Variants in ANKRD12 observed in about 807,000 individuals in gnomAD.
ANKRD12 encodes ankyrin repeat domain 12, also known as ankyrin repeat domain-containing protein 12.
Under a neutral mutation model 183.4 loss-of-function variants are expected in ANKRD12, and 85 were observed. The observed-to-expected ratio is 0.46, with a 90% CI of 0.39 to 0.56. The LOEUF is 0.56. Among genes scored for constraint, ANKRD12 ranks in the 20% least tolerant of loss-of-function variants. The pLI, the probability that ANKRD12 is intolerant of heterozygous loss-of-function variation, is 0.00. For synonymous variants in ANKRD12, 914 were observed against 800.2 expected (o/e 1.14, Z -2.40); for missense variants, 2,405 against 2,357.1 (o/e 1.02, Z -0.42).
In ANKRD12 at chr18:9,153,195, A is replaced by G. The variant is rs189176382; in HGVS notation, c.-52+16230A>G. On this transcript the variant is annotated intron_variant, in intron 1 of 12. Transcript: ENST00000262126. ...AAGCAGATTTTCAAACAGGGTATTT[A>G]CATGTCCTTCTAAAGCCATTTGATG... is the stretch of plus-strand genomic sequence containing the variant. Among the ~76,000 whole-genome samples, 281 of 152,332 alleles carry G rather than the reference A, an allele frequency of 1.8e-3. 1 individual carries two copies. Among genetic ancestry groups the G allele is most frequent in the South Asian group, 0.013 (63 of 4,828 alleles).
chr18:9,237,470 T>G (rs1309843734), intron 8 of ANKRD12, among the ~76,000 whole-genome samples: 1 of 152,202 alleles, frequency 6.6e-6, no homozygotes, highest in Non-Finnish European at 1.5e-5. Context: ...ATTATAACAT[T>G]CTTTTTAGGG....
At chr18:9,272,066 A>C (rs138986438) in intron 10 of ANKRD12, among the ~76,000 whole-genome samples, 1 of 152,186 alleles carries the variant, frequency 6.6e-6, no homozygotes, top group African/African-American at 2.4e-5. Flanking sequence ...TCTATCACCC[A>C]AGAAACTAAG....
rs1344661103 is a variant in ANKRD12 at position 9,281,585 on chromosome 18, C to T, written c.*459C>T. 1 of 152,720 alleles carries T rather than the reference C, an allele frequency of 6.5e-6. No homozygotes were observed. Among genetic ancestry groups the T allele is most frequent in the African/African-American group, 2.4e-5 (1 of 41,460 alleles). The allele number at this position is 152,720 out of a possible 1,614,324, so 9.5% of individuals were successfully genotyped here. A position where few individuals can be genotyped will look rare whatever the true frequency, so the allele number is the denominator to read the frequency against. The stretch of plus-strand genomic sequence containing the variant: ...GCACAAAATTTCTTCAGTTTATTAT[C>T]TGTAAATTGTACAGTTTTCTTTTTG... On this transcript the variant is annotated 3_prime_UTR_variant, in exon 13 of 13. Transcript: ENST00000262126.
At chr18:9,229,214 T>C (rs1387607237) in intron 8 of ANKRD12, among the ~76,000 whole-genome samples, 1 of 151,912 alleles carries the variant, frequency 6.6e-6, no homozygotes, top group Non-Finnish European at 1.5e-5. Context: ...GTCCCTGTAA[T>C]ATATTTTGAA....
At chr18:9,163,733 T>TGAAGAGGTCCTTCACCTC (rs2143823679) in intron 1 of ANKRD12, among the ~76,000 whole-genome samples, 1 of 152,316 alleles carries the variant, frequency 6.6e-6, no homozygotes, top group Admixed American at 6.5e-5. Context: ...TACTTCTCCT[T>TGAAGAGGTCCTTCACCTC]GAAGAGGTCC....
rs1028716933 is a variant in ANKRD12 at position 9,208,541 on chromosome 18, T to C, written c.305-116T>C. The stretch of plus-strand genomic sequence containing the variant: ...CTTTTGTCTGGCTACTACTAGTTCA[T>C]ATATTGTACACATTTCTCATATATA... On this transcript the variant is annotated intron_variant, in intron 4 of 12. Coordinates refer to ENST00000262126, the MANE Select transcript of ANKRD12 (RefSeq NM_015208.5). The C allele has an allele frequency of 5.1e-6, 4 of 783,454 alleles. No homozygotes were observed. In the African/African-American group the frequency reaches 7.1e-5, roughly 14 times the overall value. 48.5% of individuals were successfully genotyped at this position (783,454 alleles called of 1,614,324 possible).
At position 9,258,162 on chromosome 18, in the gene ANKRD12, A is replaced by T. The variant is rs1252690534; in HGVS notation, c.4895A>T (p.Glu1632Val). The T allele has an allele frequency of 6.2e-7, 1 of 1,613,838 alleles. No individual in the cohort carries two copies. The highest frequency in any genetic ancestry group is 1.1e-5 in the South Asian group (1 of 91,080). The change falls in exon 9 of 13, where the codon GAA becomes GTA. Residue 1632 changes from glutamate to valine, a missense_variant. Transcript: ENST00000262126. ...STTDTQVISH[E>V]KENKLESLVL... ...ACTGATACTCAGGTCATTTCACATG[A>T]AAAAGAAAACAAACTGGAGAGTTTG...
intron 1 of ANKRD12, among the ~76,000 whole-genome samples, chr18:9,144,753 A>G (rs918357580): frequency 2.0e-5 from 3 of 152,210 alleles, no homozygotes; most frequent in Admixed American, 1.3e-4. Flanking sequence ...GATGGTGACT[A>G]TATTGCTTCC....
In ANKRD12 at chr18:9,254,694, T is replaced by G; in HGVS notation, c.1427T>G (p.Leu476Trp). 6.6e-7 allele frequency: 1 copy of G among 1,514,790 alleles called. No homozygotes were observed. Among genetic ancestry groups the G allele is most frequent in the African/African-American group, 1.4e-5 (1 of 70,544 alleles). 93.8% of individuals were successfully genotyped at this position (1,514,790 alleles called of 1,614,324 possible). The change falls in exon 9 of 13, where the codon TTG becomes TGG. Residue 476 changes from leucine to tryptophan, a missense_variant. Leu to Trp is a moderately conservative substitution (Grantham distance 61). Transcript: ENST00000262126. ...CAGAAAGGCAAAGTTAAAAGAAAAT[T>G]GAAAAATCAGAATAAAAATAAAGAG... Reference protein sequence around the residue: ...HKQKGKVKRKLKNQNKNKENQ... With the variant: ...HKQKGKVKRKWKNQNKNKENQ...
At chr18:9,144,225 AATT>A (rs1383868992) in intron 1 of ANKRD12, among the ~76,000 whole-genome samples, 2 of 152,138 alleles carry the variant, frequency 1.3e-5, no homozygotes, top group Non-Finnish European at 2.9e-5. Flanking sequence ...TACAGCATGC[AATT>A]ATTGTATGCT....
At chr18:9,275,712 T>C (rs1281191972) in intron 11 of ANKRD12, 45 bp downstream of exon 11, 1 of 1,462,660 alleles carries the variant, frequency 6.8e-7, no homozygotes, top group African/African-American at 1.4e-5. Context: ...TCTGAAAAAA[T>C]GCAACTTGGC....
At position 9,281,102 on chromosome 18, in the gene ANKRD12, C is replaced by T. The variant is rs374560285; in HGVS notation, c.6165C>T (p.Asp2055=). ...ATGTTCCCCTTGTTGATGTTAACGA[C>T]GACTTTGAATTGACTCCTATATAGC... The part of the protein sequence containing the change: ...EFYVPLVDVN[D]DFELTPI The change falls in exon 13 of 13, where the codon GAC becomes GAT. Residue 2055 remains aspartate, a synonymous_variant. Coordinates refer to ENST00000262126, the MANE Select transcript of ANKRD12 (RefSeq NM_015208.5). The T allele has an allele frequency of 9.9e-6, 16 of 1,613,696 alleles. No homozygotes were observed. In the African/African-American group the frequency reaches 1.5e-4, roughly 15 times the overall value.
chr18:9,217,864 C>T (rs1054264985), intron 7 of ANKRD12, among the ~76,000 whole-genome samples: 2 of 152,086 alleles, frequency 1.3e-5, no homozygotes, highest in Non-Finnish European at 2.9e-5. Flanking sequence ...TAGAAATGTT[C>T]AGTATATCCA....
intron 8 of ANKRD12, 29 bp downstream of exon 8, chr18:9,222,028 G>C (rs746878203): frequency 6.2e-7 from 1 of 1,608,902 alleles, no homozygotes; most frequent in Admixed American, 1.7e-5. Context: ...ACATTCATCT[G>C]TTCGTTTGAC....
At chr18:9,181,655 A>C (rs760915103) in intron 1 of ANKRD12, among the ~76,000 whole-genome samples, 86 of 152,230 alleles carry the variant, frequency 5.6e-4, no homozygotes, top group Non-Finnish European at 1.1e-3. Flanking sequence ...GTAATAGATT[A>C]TCTGACAGCA....
chr18:9,256,496 C>G lies in ANKRD12; in HGVS notation c.3229C>G (p.Gln1077Glu). Reference sequence around the variant, plus strand: ...GAGGTTAGTGAATGATGATTTAATGCAGACAAGTTTTGAACGAATGCTAAG... The same window carrying G: ...GAGGTTAGTGAATGATGATTTAATGGAGACAAGTTTTGAACGAATGCTAAG... ...EKRLVNDDLM[Q>E]TSFERMLSLK... Residue 1077 changes from glutamine to glutamate, a missense_variant, in exon 9 of 13, where the codon CAG (glutamine) becomes GAG (glutamate). Coordinates refer to ENST00000262126, the MANE Select transcript of ANKRD12 (RefSeq NM_015208.5). 6.2e-7 allele frequency: 1 copy of G among 1,612,088 alleles called. No homozygotes were observed. Among genetic ancestry groups the G allele is most frequent in the Non-Finnish European group, 8.5e-7 (1 of 1,179,484 alleles).
At chr18:9,143,605 C>T (rs767558521) in intron 1 of ANKRD12, among the ~76,000 whole-genome samples, 10 of 152,152 alleles carry the variant, frequency 6.6e-5, no homozygotes, top group Admixed American at 3.3e-4. Flanking sequence ...GGATTACAGG[C>T]GCTTGCCACC....
chr18:9,263,630 A>G (rs1420373555), intron 9 of ANKRD12, among the ~76,000 whole-genome samples, 160 bp from the exon 10 acceptor site: 4 of 152,198 alleles, frequency 2.6e-5, no homozygotes, highest in Non-Finnish European at 5.9e-5. Flanking sequence ...ATGTTTCCAA[A>G]CAGAAGTAAC....
chr18:9,257,466 A>G lies in ANKRD12; in HGVS notation c.4199A>G (p.Asp1400Gly). 1.9e-6 allele frequency: 3 copies of G among 1,614,138 alleles called. No individual in the cohort carries two copies. Among genetic ancestry groups the G allele is most frequent in the Non-Finnish European group, 2.5e-6 (3 of 1,179,994 alleles). ...KNTAPVNTVM[D>G]SPVHLEPSSQ... is the part of the protein sequence containing the mutation. ...ACTGCCCCAGTGAACACTGTAATGG[A>G]CAGTCCAGTGCATTTAGAGCCATCT... The change falls in exon 9 of 13, where the codon GAC becomes GGC. Residue 1400 changes from aspartate (D) to glycine (G), a missense_variant. Physicochemically the swap from Asp to Gly is moderately conservative, Grantham distance 94. Around this residue, in one of 7 missense-constraint regions of ANKRD12, gnomAD observed 1,983 missense variants for 1,725.9 expected, o/e 1.15. Coordinates refer to ENST00000262126, the MANE Select transcript of ANKRD12 (RefSeq NM_015208.5).
Sources: gnomAD v4.1 joint callset for allele counts (sites outside exome capture counted in the v4.1 genomes callset) on GRCh38, gnomAD v4.1.1 for gene constraint, gnomAD v4.1.1 regional missense constraint, MANE v1.5 for transcripts, NCBI Gene and HGNC (gene_info 2026-07-23, HGNC 2026-07-21) for gene names.